Variants in FHIT observed in about 807,000 individuals in gnomAD.
FHIT encodes fragile histidine triad diadenosine triphosphatase.
In FHIT, 19 loss-of-function variants were observed where a neutral mutation model predicts 17.9. That is an observed-to-expected ratio of 1.06 (90% CI 0.74 to 1.56). The LOEUF (loss-of-function observed/expected upper bound fraction) is 1.56. Ranked by LOEUF, FHIT falls within the 40% of genes most tolerant of loss-of-function variation. The probability of loss-of-function intolerance (pLI) is 0.00; values close to 1 mark genes in which losing one functional copy is unlikely to be tolerated. For synonymous variants in FHIT, 81 were observed against 69.7 expected (o/e 1.16, Z -0.81); for missense variants, 248 against 189.2 (o/e 1.31, Z -1.82).
intron 5 of FHIT, among the ~76,000 whole-genome samples, chr3:60,059,095 C>G (rs1022064331): frequency 1.3e-5 from 2 of 152,124 alleles, no homozygotes; most frequent in African/African-American, 2.4e-5. Flanking sequence ...AGGAAAGCCA[C>G]GCTACCATCA....
At chr3:61,096,278 T>G (rs1385728379) in intron 2 of FHIT, among the ~76,000 whole-genome samples, 1 of 152,140 alleles carries the variant, frequency 6.6e-6, no homozygotes, top group Non-Finnish European at 1.5e-5. Flanking sequence ...AGTGTCTAAT[T>G]GATTGTGTGA....
At chr3:60,356,661 C>A (rs1699663094) in intron 5 of FHIT, among the ~76,000 whole-genome samples, 1 of 146,038 alleles carries the variant, frequency 6.8e-6, no homozygotes, top group Admixed American at 7.1e-5. Flanking sequence ...AAACCGAATA[C>A]CAGATACTTG....
chr3:61,249,804 A>G lies in FHIT; in HGVS notation c.-213+1497T>C, dbSNP rs541024739. ...TACAAATGGGAAATGTAGTATTAAA[A>G]AGAGATCATGTGAACAGGTTCTAAA... On this transcript the variant is annotated intron_variant, in intron 1 of 9. Coordinates refer to ENST00000492590, the MANE Select transcript of FHIT (RefSeq NM_002012.4). Among the ~76,000 whole-genome samples, 50 of 152,320 alleles carry G rather than the reference A, an allele frequency of 3.3e-4. 1 individual carries two copies. Among genetic ancestry groups the G allele is most frequent in the African/African-American group, 1.2e-3 (48 of 41,564 alleles).
chr3:59,866,827 A>C (rs1228602865), intron 8 of FHIT, among the ~76,000 whole-genome samples: 1 of 152,092 alleles, frequency 6.6e-6, no homozygotes, highest in Non-Finnish European at 1.5e-5. Context: ...TTGGGCTGAG[A>C]CCAGCGGGTT....
intron 4 of FHIT, among the ~76,000 whole-genome samples, chr3:60,779,682 G>A (rs1318674945): frequency 2.6e-5 from 4 of 152,022 alleles, no homozygotes; most frequent in African/African-American, 7.3e-5. Context: ...TGCCCCATCC[G>A]AGATACATTT....
At chr3:61,203,051 G>A (rs961392854) in intron 1 of FHIT, among the ~76,000 whole-genome samples, 2 of 152,012 alleles carry the variant, frequency 1.3e-5, no homozygotes, top group Non-Finnish European at 2.9e-5. Flanking sequence ...GTGGTACCAG[G>A]CGCCTGTAGT....
chr3:60,998,439 A>G (rs1346560479), intron 3 of FHIT, among the ~76,000 whole-genome samples: 1 of 152,202 alleles, frequency 6.6e-6, no homozygotes, highest in Non-Finnish European at 1.5e-5. Flanking sequence ...TCAACATTAC[A>G]TTATTTTCTT....
At chr3:61,045,303 G>T (rs1433359061) in intron 2 of FHIT, among the ~76,000 whole-genome samples, 1 of 151,892 alleles carries the variant, frequency 6.6e-6, no homozygotes, top group African/African-American at 2.4e-5. Context: ...CCAAGCAAAA[G>T]GAAAACAAAC....
intron 8 of FHIT, among the ~76,000 whole-genome samples, chr3:59,885,355 A>G (rs999306581): frequency 2.0e-5 from 3 of 151,952 alleles, no homozygotes; most frequent in African/African-American, 4.8e-5. Context: ...CACTGAAGAT[A>G]GTCTGAAGGA....
rs180681664 is a variant in FHIT, at chr3:60,407,159, A to G, written c.103+129701T>C. On this transcript the variant is annotated intron_variant, in intron 5 of 9. Coordinates refer to ENST00000492590, the MANE Select transcript of FHIT (RefSeq NM_002012.4). ...CAAGGCAATGCTAACTGTTACTGGT[A>G]AAAACACTGTAACACACTACTGACA... is the stretch of plus-strand genomic sequence containing the variant. Among the ~76,000 whole-genome samples, 6 of 142,032 alleles carry G rather than the reference A, an allele frequency of 4.2e-5. No individual in the cohort carries two copies. The Admixed American group carries it at 4.5e-4, about 11-fold the overall frequency. 93.2% of individuals were successfully genotyped at this position (142,032 alleles called of 152,430 possible).
chr3:60,501,903 A>G (rs1243316692), intron 5 of FHIT, among the ~76,000 whole-genome samples: 3 of 152,234 alleles, frequency 2.0e-5, no homozygotes, highest in Non-Finnish European at 4.4e-5. Context: ...CTCAAAGAAA[A>G]GCTAAAATGT....
At chr3:60,821,334 T>A (rs944199478) in intron 4 of FHIT, among the ~76,000 whole-genome samples, 1 of 152,170 alleles carries the variant, frequency 6.6e-6, no homozygotes. Flanking sequence ...TAAGTGATTA[T>A]TTTACTCTAA....
intron 2 of FHIT, among the ~76,000 whole-genome samples, chr3:61,128,134 A>C (rs1180361572): frequency 6.6e-6 from 1 of 152,214 alleles, no homozygotes; most frequent in African/African-American, 2.4e-5. Flanking sequence ...CAGTAAACAA[A>C]GTTATTTAGT....
At chr3:60,633,618 T>C (rs1298038267) in intron 4 of FHIT, among the ~76,000 whole-genome samples, 4 of 152,188 alleles carry the variant, frequency 2.6e-5, no homozygotes, top group Admixed American at 2.0e-4. Flanking sequence ...TTTCAAGCTA[T>C]TCCGCGATGA....
chr3:60,782,104 T>C (rs1388812494), intron 4 of FHIT, among the ~76,000 whole-genome samples: 1 of 152,176 alleles, frequency 6.6e-6, no homozygotes, highest in Non-Finnish European at 1.5e-5. Flanking sequence ...AGTGAGAACA[T>C]ATGGTATTTG....
At chr3:60,658,720 T>C (rs2040172484) in intron 4 of FHIT, among the ~76,000 whole-genome samples, 1 of 152,132 alleles carries the variant, frequency 6.6e-6, no homozygotes, top group African/African-American at 2.4e-5. Flanking sequence ...GTTACAATAA[T>C]ACTAGCTTTT....
intron 5 of FHIT, among the ~76,000 whole-genome samples, chr3:60,426,828 T>G: frequency 6.6e-6 from 1 of 152,018 alleles, no homozygotes; most frequent in East Asian, 1.9e-4. Context: ...TACTAGACAG[T>G]GCTCTCTACG....
chr3:60,108,219 T>C (rs994972629), intron 5 of FHIT, among the ~76,000 whole-genome samples: 1 of 152,208 alleles, frequency 6.6e-6, no homozygotes, highest in Non-Finnish European at 1.5e-5. Flanking sequence ...ATTATGTTTT[T>C]ACTTGGGTTG....
At position 60,547,019 on chromosome 3, in the gene FHIT, G is replaced by A. The variant is rs375957277; in HGVS notation, c.-17-10040C>T. On this transcript the variant is annotated intron_variant, in intron 4 of 9. Coordinates refer to ENST00000492590, the MANE Select transcript of FHIT (RefSeq NM_002012.4). Reference sequence around the variant, plus strand: ...TCTAGGAACTCTAAAAGGGACAAAAGCATTAAAAAGATTAAGAGTCAATAG... The same window carrying A: ...TCTAGGAACTCTAAAAGGGACAAAAACATTAAAAAGATTAAGAGTCAATAG... Among the ~76,000 whole-genome samples, 4 of 152,112 alleles carry A rather than the reference G, an allele frequency of 2.6e-5. No individual in the cohort carries two copies. In the East Asian group the frequency reaches 5.8e-4, roughly 22 times the overall value.
Sources: allele counts gnomAD v4.1 joint callset (sites outside exome capture counted in the v4.1 genomes callset), GRCh38; gene constraint gnomAD v4.1.1; transcripts MANE v1.5; gene names NCBI Gene and HGNC (gene_info 2026-07-23, HGNC 2026-07-21).